VWA8: variants seen among roughly 807,000 people sequenced by gnomAD.
VWA8 encodes von Willebrand factor A domain-containing protein 8.
VWA8 carries 221 observed loss-of-function variants against 241.5 expected under a neutral mutation model. The ratio of observed to expected loss-of-function variants is 0.91; its 90% CI spans 0.82 to 1.02. The LOEUF is 1.02. VWA8 is among the 50% of genes least tolerant of loss of function. The probability of loss-of-function intolerance (pLI) is 0.00; values close to 1 mark genes in which losing one functional copy is unlikely to be tolerated. For synonymous variants in VWA8, 852 were observed against 827.1 expected, an observed-to-expected ratio of 1.03 and a Z score of -0.52; for missense variants, 2,322 against 2,328.7, an observed-to-expected ratio of 1.00 and a Z score of 0.06.
intron 12 of VWA8, among the ~76,000 whole-genome samples, chr13:41,863,431 GTGTATATA>G (rs774488046): frequency 3.2e-3 from 233 of 73,330 alleles, no homozygotes; most frequent in Non-Finnish European, 5.1e-3. Context: ...GTGTGTGTGT[GTGTATATA>G]TATATATATA....
At chr13:41,744,733 G>C (rs1261369741) in intron 21 of VWA8, among the ~76,000 whole-genome samples, 1 of 152,170 alleles carries the variant, frequency 6.6e-6, no homozygotes, top group Non-Finnish European at 1.5e-5. Context: ...TCCAAAGAGA[G>C]GAGAGCAGGT....
intron 11 of VWA8, 27 bp downstream of exon 11, chr13:41,865,875 A>T: frequency 1.2e-6 from 2 of 1,614,234 alleles, no homozygotes; most frequent in South Asian, 2.2e-5. Context: ...GGAAACTAAA[A>T]GTCTGCAGTG....
intron 12 of VWA8, among the ~76,000 whole-genome samples, chr13:41,839,872 A>C (rs1256730733): frequency 6.6e-6 from 1 of 152,166 alleles, no homozygotes; most frequent in African/African-American, 2.4e-5. Context: ...TTGGTTCCAC[A>C]TGAAATTTAA....
At chr13:41,705,393 C>T (rs748643033) in intron 26 of VWA8, among the ~76,000 whole-genome samples, 2 of 152,080 alleles carry the variant, frequency 1.3e-5, no homozygotes, top group African/African-American at 4.8e-5. Flanking sequence ...TGTTAATAGG[C>T]CAGATCTTGA....
At chr13:41,810,132 C>T (rs187450692) in intron 17 of VWA8, among the ~76,000 whole-genome samples, 1 of 151,836 alleles carries the variant, frequency 6.6e-6, no homozygotes, top group Non-Finnish European at 1.5e-5. Context: ...AAAAGGGAAC[C>T]CTTGTACACT....
intron 21 of VWA8, among the ~76,000 whole-genome samples, chr13:41,740,530 C>A (rs1057148029): frequency 6.6e-6 from 1 of 152,166 alleles, no homozygotes; most frequent in African/African-American, 2.4e-5. Context: ...TAGTATCAAT[C>A]ACATTATAAT....
chr13:41,635,526 C>T (rs536977501), intron 37 of VWA8, among the ~76,000 whole-genome samples: 1 of 152,170 alleles, frequency 6.6e-6, no homozygotes, highest in Admixed American at 6.5e-5. Context: ...TGCACACCTG[C>T]CTGTAGTTTA....
chr13:41,887,732 T>C (rs779809399), intron 5 of VWA8, among the ~76,000 whole-genome samples: 48 of 152,230 alleles, frequency 3.2e-4, no homozygotes, highest in Non-Finnish European at 3.1e-4. Context: ...AAAGCTGTGA[T>C]TGATTACCAG....
intron 21 of VWA8, among the ~76,000 whole-genome samples, chr13:41,749,353 A>G (rs761014393): frequency 5.3e-5 from 8 of 152,304 alleles, no homozygotes; most frequent in Non-Finnish European, 8.8e-5. Flanking sequence ...AAGTCAGGAA[A>G]CAATAGGGGC....
At chr13:41,725,272 T>C (rs1457048642) in intron 24 of VWA8, among the ~76,000 whole-genome samples, 1 of 152,092 alleles carries the variant, frequency 6.6e-6, no homozygotes, top group Non-Finnish European at 1.5e-5. Flanking sequence ...GATCAATGGA[T>C]TGAAGCTTCT....
intron 37 of VWA8, among the ~76,000 whole-genome samples, chr13:41,632,277 A>G (rs2044731564): frequency 6.6e-6 from 1 of 152,128 alleles, no homozygotes; most frequent in Non-Finnish European, 1.5e-5. Context: ...CTTTTCTCAA[A>G]ATATCAAATC....
chr13:41,599,779 C>A (rs540047139), intron 40 of VWA8, among the ~76,000 whole-genome samples: 1 of 152,226 alleles, frequency 6.6e-6, no homozygotes, highest in East Asian at 1.9e-4. Context: ...TGCAATGGGG[C>A]CAACTTTGGG....
chr13:41,830,708 CAGAATCAGTCAGCCAA>C, intron 13 of VWA8, 66 bp from the exon 14 acceptor site: 1 of 1,334,852 alleles, frequency 7.5e-7, no homozygotes, highest in South Asian at 1.2e-5. Context: ...TTTTCAGAGG[CAGAATCAGTCAGCCAA>C]CAGTCTATTA....
intron 14 of VWA8, among the ~76,000 whole-genome samples, chr13:41,822,878 T>A (rs1211003703): frequency 6.6e-6 from 1 of 152,126 alleles, no homozygotes; most frequent in African/African-American, 2.4e-5. Flanking sequence ...TGTGATTCCA[T>A]TTATATAAAA....
intron 29 of VWA8, among the ~76,000 whole-genome samples, chr13:41,694,266 T>C (rs540970022): frequency 1.3e-5 from 2 of 152,170 alleles, no homozygotes; most frequent in African/African-American, 4.8e-5. Context: ...CAAGCTAATT[T>C]TGTGGAAGTG....
intron 12 of VWA8, chr13:41,864,476 A>G (rs1566485880): frequency 2.9e-6 from 1 of 349,496 alleles, no homozygotes; most frequent in Non-Finnish European, 5.5e-6. Flanking sequence ...GTATAGACAT[A>G]CAACAGAATA....
rs533345856 is a variant in VWA8 at position 41,706,620 on chromosome 13, A to G, written c.3117-3209T>C. Reference sequence around the variant, plus strand: ...CTTGGTAAGTTAGTAGTCAGGGGAAAGGGGAAGCATTGTATTATATTTCGG... The same window carrying G: ...CTTGGTAAGTTAGTAGTCAGGGGAAGGGGGAAGCATTGTATTATATTTCGG... On this transcript the variant is annotated intron_variant, in intron 26 of 44. Transcript: ENST00000379310. 5.1e-4 allele frequency among the ~76,000 whole-genome samples: 77 copies of G among 152,340 alleles called. 1 individual carries two copies. The highest frequency in any genetic ancestry group is 6.8e-3 in the Middle Eastern group (2 of 294).
chr13:41,600,553 G>A (rs1470948092), intron 40 of VWA8, among the ~76,000 whole-genome samples: 1 of 151,974 alleles, frequency 6.6e-6, no homozygotes, highest in African/African-American at 2.4e-5. Context: ...CTATTCAGAT[G>A]ACCACAAAAA....
intron 21 of VWA8, among the ~76,000 whole-genome samples, chr13:41,758,397 A>AATAT (rs1566444703): frequency 3.5e-4 from 3 of 8,630 alleles, no homozygotes; most frequent in Admixed American, 1.4e-3. Context: ...TATATACGCT[A>AATAT]GTATATATAT....
Sources: gnomAD v4.1 joint callset for allele counts (sites outside exome capture counted in the v4.1 genomes callset) on GRCh38, gnomAD v4.1.1 for gene constraint, MANE v1.5 for transcripts, NCBI Gene and HGNC (gene_info 2026-07-23, HGNC 2026-07-21) for gene names.